RAPGEF6: variants seen among roughly 807,000 people sequenced by gnomAD.
RAPGEF6 encodes Rap guanine nucleotide exchange factor 6, also known as PDZ domain containing guanine nucleotide exchange factor (GEF) 2.
In RAPGEF6, 56 loss-of-function variants were observed where a neutral mutation model predicts 171.4. The ratio of observed to expected loss-of-function variants is 0.33; its 90% CI spans 0.26 to 0.41. The LOEUF (loss-of-function observed/expected upper bound fraction) is 0.41. RAPGEF6 is among the 10% of genes least tolerant of loss of function. The pLI, the probability that RAPGEF6 is intolerant of heterozygous loss-of-function variation, is 1.00. For synonymous variants in RAPGEF6, 692 were observed against 650.1 expected, an observed-to-expected ratio of 1.06 and a Z score of -0.98; for missense variants, 1,674 against 1,921.4, an observed-to-expected ratio of 0.87 and a Z score of 2.41.
intron 6 of RAPGEF6, among the ~76,000 whole-genome samples, chr5:131,543,832 G>A (rs992804147): frequency 9.2e-5 from 14 of 152,034 alleles, no homozygotes; most frequent in African/African-American, 3.4e-4. Flanking sequence ...CTGCCTCAAA[G>A]ATCAAAGCTC....
chr5:131,541,989 C>T (rs1249663373), intron 6 of RAPGEF6, among the ~76,000 whole-genome samples: 1 of 140,828 alleles, frequency 7.1e-6, no homozygotes, highest in Non-Finnish European at 1.6e-5. Flanking sequence ...TAAAGTGACT[C>T]ATCCAGTGAC....
chr5:131,571,030 C>T (rs1416933789), intron 4 of RAPGEF6, among the ~76,000 whole-genome samples: 1 of 151,364 alleles, frequency 6.6e-6, no homozygotes, highest in South Asian at 2.1e-4. Context: ...CTGCAACCTC[C>T]GCCTCCCAGG....
intron 1 of RAPGEF6, among the ~76,000 whole-genome samples, chr5:131,610,833 G>C (rs1011381915): frequency 6.6e-6 from 1 of 152,214 alleles, no homozygotes; most frequent in Admixed American, 6.5e-5. Flanking sequence ...ATGTGAAGAA[G>C]TAGATTTGTG....
At chr5:131,550,718 G>A (rs1205985349) in intron 5 of RAPGEF6, among the ~76,000 whole-genome samples, 1 of 152,116 alleles carries the variant, frequency 6.6e-6, no homozygotes, top group African/African-American at 2.4e-5. Context: ...CTCAGACCTC[G>A]ATTGGCTTAT....
At chr5:131,490,683 C>T (rs974107572) in intron 14 of RAPGEF6, among the ~76,000 whole-genome samples, 4 of 152,228 alleles carry the variant, frequency 2.6e-5, no homozygotes, top group East Asian at 1.9e-4. Context: ...AAAAATGTTA[C>T]GCTCTATTGA....
At chr5:131,524,469 A>AG (rs1380184134) in intron 6 of RAPGEF6, among the ~76,000 whole-genome samples, 1 of 152,130 alleles carries the variant, frequency 6.6e-6, no homozygotes, top group Non-Finnish European at 1.5e-5. Flanking sequence ...AAGCTAACAG[A>AG]GGGGAAAATA....
intron 11 of RAPGEF6, among the ~76,000 whole-genome samples, chr5:131,499,479 G>A (rs1024671574): frequency 6.6e-5 from 10 of 151,342 alleles, no homozygotes; most frequent in Admixed American, 3.9e-4. Context: ...TACTCAGGAG[G>A]GTGAGGCAGC....
chr5:131,538,437 G>GT (rs1247658710), intron 6 of RAPGEF6, among the ~76,000 whole-genome samples: 1 of 152,084 alleles, frequency 6.6e-6, no homozygotes, highest in African/African-American at 2.4e-5. Flanking sequence ...TAACACAATG[G>GT]TAAGTATTTG....
At chr5:131,559,110 C>T (rs1276667010) in intron 5 of RAPGEF6, among the ~76,000 whole-genome samples, 1 of 152,054 alleles carries the variant, frequency 6.6e-6, no homozygotes, top group African/African-American at 2.4e-5. Context: ...AAGAGGATCA[C>T]CTCAGGTCAG....
intron 4 of RAPGEF6, among the ~76,000 whole-genome samples, chr5:131,576,865 T>G: frequency 6.6e-6 from 1 of 152,082 alleles, no homozygotes; most frequent in South Asian, 2.1e-4. Context: ...TCTTAGAACC[T>G]CTCATTTCTT....
chr5:131,528,452 AC>A (rs935877988), intron 6 of RAPGEF6, among the ~76,000 whole-genome samples: 1 of 149,334 alleles, frequency 6.7e-6, no homozygotes, highest in Non-Finnish European at 1.5e-5. Context: ...AGATCACAGC[AC>A]TGTGCCTGAG....
intron 19 of RAPGEF6, among the ~76,000 whole-genome samples, chr5:131,459,505 T>C (rs912779969): frequency 6.6e-6 from 1 of 151,950 alleles, no homozygotes; most frequent in Non-Finnish European, 1.5e-5. Flanking sequence ...AACCACAAAA[T>C]GCAGAAACTC....
Position 131,592,432 on chromosome 5 carries a change from G to C in RAPGEF6, c.232C>G (p.Leu78Val), listed in dbSNP as rs749764452. ...CCTTTCACAAGCACAGATCCAGAAA[G>C]TAGGATATACCAACATCTGGCAATC... ...ETIARCWYILLSGSVLVKGSM... is the reference protein window; with the variant it reads ...ETIARCWYILVSGSVLVKGSM... The change falls in exon 4 of 28, where the codon CTT (leucine) becomes GTT (valine). Residue 78 changes from leucine to valine, a missense_variant. Transcript: ENST00000509018. 2 of 1,613,928 alleles carry C rather than the reference G, an allele frequency of 1.2e-6. No homozygotes were observed. The highest frequency in any genetic ancestry group is 1.7e-6 in the Non-Finnish European group (2 of 1,179,856).
chr5:131,446,364 T>A (rs1394898296), intron 22 of RAPGEF6, 119 bp downstream of exon 22: 18 of 926,272 alleles, frequency 1.9e-5, no homozygotes, highest in Non-Finnish European at 2.6e-5. Context: ...GCTTAAGGTA[T>A]GCCAGCAATC....
chr5:131,495,811 T>C (rs111282480), intron 12 of RAPGEF6, 151 bp from the exon 13 acceptor site: 4 of 1,226,640 alleles, frequency 3.3e-6, no homozygotes, highest in South Asian at 1.7e-5. Context: ...CAGAAAGGCA[T>C]GGTTTAATTT....
chr5:131,581,999 T>C (rs1762997198), intron 4 of RAPGEF6, among the ~76,000 whole-genome samples: 1 of 152,176 alleles, frequency 6.6e-6, no homozygotes, highest in African/African-American at 2.4e-5. Flanking sequence ...ATCCATCCCC[T>C]GCCGGCAAAA....
At chr5:131,568,393 T>C (rs1762077425) in intron 4 of RAPGEF6, among the ~76,000 whole-genome samples, 1 of 152,052 alleles carries the variant, frequency 6.6e-6, no homozygotes, top group Non-Finnish European at 1.5e-5. Context: ...TGAAGTGGCA[T>C]GATCATAGCT....
At chr5:131,580,893 T>C (rs1357118353) in intron 4 of RAPGEF6, among the ~76,000 whole-genome samples, 1 of 152,142 alleles carries the variant, frequency 6.6e-6, no homozygotes, top group Non-Finnish European at 1.5e-5. Flanking sequence ...ACCCCCAAAA[T>C]CCAGCTTGCA....
At chr5:131,476,812 G>A (rs776687945) in intron 16 of RAPGEF6, among the ~76,000 whole-genome samples, 16 of 152,256 alleles carry the variant, frequency 1.1e-4, no homozygotes, top group Non-Finnish European at 1.5e-4. Flanking sequence ...GATAACAGGC[G>A]TGAGGCACCG....
Sources: allele counts gnomAD v4.1 joint callset (sites outside exome capture counted in the v4.1 genomes callset), GRCh38; gene constraint gnomAD v4.1.1; transcripts MANE v1.5; gene names NCBI Gene and HGNC (gene_info 2026-07-23, HGNC 2026-07-21).